Variants in GALNT17 observed in about 807,000 individuals in gnomAD.
GALNT17 encodes the protein UDP-GalNAc:polypeptide N-acetylgalactosaminyltransferase-like 3.
Under a neutral mutation model 63.7 loss-of-function variants are expected in GALNT17, and 29 were observed. That is an observed-to-expected ratio of 0.46 (90% CI 0.34 to 0.62). GALNT17 has a LOEUF of 0.62. Ranked by LOEUF, GALNT17 falls within the 20% of genes least tolerant of loss-of-function variation. The pLI is 0.01. For missense variants in GALNT17, 603 were observed against 799.6 expected (o/e 0.75, Z 2.97); for synonymous variants, 305 against 318.3 (o/e 0.96, Z 0.45).
intron 2 of GALNT17, among the ~76,000 whole-genome samples, chr7:71,369,588 G>A (rs74541390): frequency 0.012 from 1,762 of 152,086 alleles, 35 homozygotes; most frequent in African/African-American, 0.04. Context: ...AGAGGTAGGC[G>A]GATCACTTGA....
At position 71,467,764 on chromosome 7, in the gene GALNT17, C is replaced by CA. The variant is rs201439599; in HGVS notation, c.962+46668dup. Among the ~76,000 whole-genome samples the CA allele has an allele frequency of 3.5e-3, 500 of 144,282 alleles. 2 individuals carry two copies. Among genetic ancestry groups the CA allele is most frequent in the East Asian group, 6.5e-3 (32 of 4,960 alleles). 94.7% of individuals were successfully genotyped at this position (144,282 alleles called of 152,430 possible). A position where few individuals can be genotyped will look rare whatever the true frequency, so the allele number is the denominator to read the frequency against. On this transcript the variant is annotated intron_variant, in intron 5 of 10. Transcript: ENST00000333538. ...CTAGACAACAGGGAACATGGAAAGG[C>CA]AAAAAAAAACAAACAAAAAAACCCT...
intron 3 of GALNT17, among the ~76,000 whole-genome samples, chr7:71,390,768 C>G (rs913888056): frequency 2.0e-5 from 3 of 152,282 alleles, no homozygotes; most frequent in East Asian, 3.9e-4. Flanking sequence ...CCAGCTGTCT[C>G]CAGCAGAGCA....
chr7:71,185,745 G>A (rs1349386528), intron 1 of GALNT17, among the ~76,000 whole-genome samples: 1 of 151,992 alleles, frequency 6.6e-6, no homozygotes. Flanking sequence ...CTGACCTCGT[G>A]ATCCGCCCAC....
intron 9 of GALNT17, among the ~76,000 whole-genome samples, chr7:71,692,253 T>C (rs571854593): frequency 6.6e-6 from 1 of 152,282 alleles, no homozygotes; most frequent in African/African-American, 2.4e-5. Context: ...CACAATAGCA[T>C]TTCAGAGAGT....
intron 5 of GALNT17, among the ~76,000 whole-genome samples, chr7:71,530,001 G>A (rs1443324716): frequency 1.3e-5 from 2 of 152,186 alleles, no homozygotes; most frequent in South Asian, 2.1e-4. Context: ...CAAAGTGGAA[G>A]CATTTAATGA....
chr7:71,535,854 G>A (rs915553687), intron 5 of GALNT17, among the ~76,000 whole-genome samples: 1 of 152,174 alleles, frequency 6.6e-6, no homozygotes, highest in Non-Finnish European at 1.5e-5. Flanking sequence ...TAAACATTAA[G>A]CATTACTGCA....
At chr7:71,640,712 T>C (rs1347605965) in intron 6 of GALNT17, among the ~76,000 whole-genome samples, 1 of 152,132 alleles carries the variant, frequency 6.6e-6, no homozygotes, top group Non-Finnish European at 1.5e-5. Flanking sequence ...AGTAATCCTG[T>C]GCATTTTGTT....
At chr7:71,318,523 G>A (rs141869290) in intron 1 of GALNT17, among the ~76,000 whole-genome samples, 1,727 of 151,084 alleles carry the variant, frequency 0.011, 18 homozygotes, top group Middle Eastern at 0.042. Flanking sequence ...GGGTTCAAGC[G>A]ACTCTCCTGC....
rs565081079 is a variant in GALNT17, at chr7:71,140,173, CAT to C, written c.238+7134_238+7135del. Among the ~76,000 whole-genome samples the C allele has an allele frequency of 1.7e-3, 264 of 152,260 alleles. 1 individual carries two copies. In the Middle Eastern group the frequency reaches 0.024, roughly 14 times the overall value. ...CAGGAAGGAGCGAAGGGAGAGGGCA[CAT>C]GTGCATATTAAAATCAGTTGCTGCA... On this transcript the variant is annotated intron_variant, in intron 1 of 10. Transcript: ENST00000333538.
At chr7:71,533,554 G>A (rs1232601308) in intron 5 of GALNT17, among the ~76,000 whole-genome samples, 2 of 152,124 alleles carry the variant, frequency 1.3e-5, no homozygotes, top group Non-Finnish European at 1.5e-5. Context: ...AGAACAATAT[G>A]CACAGATCAC....
At chr7:71,522,584 T>TC (rs1194598869) in intron 5 of GALNT17, among the ~76,000 whole-genome samples, 2 of 152,000 alleles carry the variant, frequency 1.3e-5, no homozygotes, top group Non-Finnish European at 2.9e-5. Flanking sequence ...GGAAAGACCC[T>TC]CCCCCATAAT....
intron 5 of GALNT17, among the ~76,000 whole-genome samples, chr7:71,513,705 T>G (rs1390863724): frequency 2.0e-5 from 3 of 152,008 alleles, no homozygotes; most frequent in Admixed American, 2.0e-4. Flanking sequence ...TTTTTTTTTT[T>G]AATCCTTTAA....
intron 3 of GALNT17, among the ~76,000 whole-genome samples, chr7:71,392,458 C>T: frequency 6.6e-6 from 1 of 152,170 alleles, no homozygotes; most frequent in South Asian, 2.1e-4. Context: ...CCCTGGGACT[C>T]CACCCTGGAG....
At position 71,712,333 on chromosome 7, in the gene GALNT17, C is replaced by T. The variant is rs1051134562; in HGVS notation, c.*187C>T. ...CTGTCCCCCCTCAGGCATTCAGCTG[C>T]CCACAAGTTTCCTGCACCCTGGAAA... On this transcript the variant is annotated 3_prime_UTR_variant, in exon 11 of 11. Coordinates refer to ENST00000333538, the MANE Select transcript of GALNT17 (RefSeq NM_022479.3). 28 of 620,654 alleles carry T rather than the reference C, an allele frequency of 4.5e-5. No individual in the cohort carries two copies. The highest frequency in any genetic ancestry group is 7.0e-5 in the Non-Finnish European group (27 of 385,148). 38.4% of individuals were successfully genotyped at this position (620,654 alleles called of 1,614,324 possible). A position where few individuals can be genotyped will look rare whatever the true frequency, so the allele number is the denominator to read the frequency against.
intron 6 of GALNT17, among the ~76,000 whole-genome samples, chr7:71,627,223 A>G (rs1395294346): frequency 1.3e-5 from 2 of 152,260 alleles, no homozygotes; most frequent in Non-Finnish European, 1.5e-5. Context: ...TGCTGTGTTC[A>G]TTACAAATAT....
intron 7 of GALNT17, among the ~76,000 whole-genome samples, chr7:71,669,429 T>A (rs1562729251): frequency 6.6e-6 from 1 of 151,922 alleles, no homozygotes; most frequent in Non-Finnish European, 1.5e-5. Context: ...GAGAATCGCT[T>A]GAACCCGGGA....
At chr7:71,527,897 G>T (rs976881639) in intron 5 of GALNT17, among the ~76,000 whole-genome samples, 1 of 152,086 alleles carries the variant, frequency 6.6e-6, no homozygotes, top group South Asian at 2.1e-4. Context: ...CAATCCTTCT[G>T]TATTTATCTA....
At chr7:71,350,351 G>A (rs942391875) in intron 2 of GALNT17, among the ~76,000 whole-genome samples, 2 of 152,128 alleles carry the variant, frequency 1.3e-5, no homozygotes, top group Admixed American at 6.5e-5. Flanking sequence ...GGGGGAGACA[G>A]ATGATAAACT....
intron 5 of GALNT17, among the ~76,000 whole-genome samples, chr7:71,448,928 T>G (rs1787207493): frequency 6.6e-6 from 1 of 151,398 alleles, no homozygotes. Flanking sequence ...ACTGGGAGAG[T>G]GCATAGAAGG....
Sources: allele counts gnomAD v4.1 joint callset (sites outside exome capture counted in the v4.1 genomes callset), GRCh38; gene constraint gnomAD v4.1.1; transcripts MANE v1.5; gene names NCBI Gene and HGNC (gene_info 2026-07-23, HGNC 2026-07-21).